Variants in DAO observed in about 807,000 individuals in gnomAD.
DAO encodes D-amino acid oxidase.
Under a neutral mutation model 50.1 loss-of-function variants are expected in DAO, and 51 were observed. The observed-to-expected ratio is 1.02, with a 90% CI of 0.81 to 1.29. The LOEUF is 1.29. Ranked by LOEUF, DAO falls within the 50% of genes most tolerant of loss-of-function variation. The pLI, the probability that DAO is intolerant of heterozygous loss-of-function variation, is 0.00. For synonymous variants in DAO, 160 were observed against 166.2 expected (o/e 0.96, Z 0.29); for missense variants, 436 against 439.4 (o/e 0.99, Z 0.07).
At position 108,901,021 on chromosome 12, in the gene DAO, A is replaced by G. The variant is rs529944361; in HGVS notation, c.*486A>G. 26 of 194,826 alleles carry G rather than the reference A, an allele frequency of 1.3e-4. No homozygotes were observed. Among genetic ancestry groups the G allele is most frequent in the African/African-American group, 5.4e-4 (23 of 42,318 alleles). 12.1% of individuals were successfully genotyped at this position (194,826 alleles called of 1,614,324 possible). ...AGCACCCATGAATGCCATGACACAA[A>G]TCTGAGAAAATGCTGGAACAGATTT... On this transcript the variant is annotated 3_prime_UTR_variant, in exon 11 of 11. Coordinates refer to ENST00000228476, the MANE Select transcript of DAO (RefSeq NM_001917.5).
chr12:108,885,091 C>A lies in DAO; in HGVS notation c.85C>A (p.Pro29Thr), dbSNP rs2039420771. 2.5e-6 allele frequency: 4 copies of A among 1,614,198 alleles called. No homozygotes were observed. In the East Asian group the frequency reaches 8.9e-5, roughly 36 times the overall value. Residue 29 changes from proline (P) to threonine (T), a missense_variant, in exon 2 of 11, where the codon CCA becomes ACA. Coordinates refer to ENST00000228476, the MANE Select transcript of DAO (RefSeq NM_001917.5). Reference sequence around the variant, plus strand: ...TGAGCGCTACCACTCAGTCCTGCAGCCACTGGACATAAAGGTCTACGCGGA... The same window carrying A: ...TGAGCGCTACCACTCAGTCCTGCAGACACTGGACATAAAGGTCTACGCGGA... ...IHERYHSVLQ[P>T]LDIKVYADRF...
At position 108,885,064 on chromosome 12, in the gene DAO, C is replaced by T; in HGVS notation, c.58C>T (p.His20Tyr). ...VIGLSTALCIHERYHSVLQPL... is the reference protein window; with the variant it reads ...VIGLSTALCIYERYHSVLQPL... ...CGGGCTGTCCACCGCCCTCTGCATC[C>T]ATGAGCGCTACCACTCAGTCCTGCA... Residue 20 changes from histidine (H) to tyrosine (Y), a missense_variant, in exon 2 of 11, where the codon CAT becomes TAT. His to Tyr is a moderately conservative substitution (Grantham distance 83, BLOSUM62 2). Transcript: ENST00000228476. 6 of 1,614,156 alleles carry T rather than the reference C, an allele frequency of 3.7e-6. No individual in the cohort carries two copies. The highest frequency in any genetic ancestry group is 5.1e-6 in the Non-Finnish European group (6 of 1,180,018).
At chr12:108,887,288 A>C (rs1399071460) in intron 2 of DAO, among the ~76,000 whole-genome samples, 162 bp from the exon 3 acceptor site, 1 of 152,186 alleles carries the variant, frequency 6.6e-6, no homozygotes, top group Non-Finnish European at 1.5e-5. Flanking sequence ...AGGAGGGAGA[A>C]GACCCAAGGC....
At chr12:108,893,204 C>T (rs2039511105) in intron 6 of DAO, among the ~76,000 whole-genome samples, 168 bp downstream of exon 6, 1 of 152,152 alleles carries the variant, frequency 6.6e-6, no homozygotes, top group South Asian at 2.1e-4. Flanking sequence ...AAGTCTCTGC[C>T]TTCATGTTGG....
intron 1 of DAO, chr12:108,883,835 C>T (rs1206207053): frequency 9.5e-6 from 3 of 317,198 alleles, no homozygotes; most frequent in Non-Finnish European, 1.9e-5. Context: ...CAACAGAGTC[C>T]AGTTCTTGTG....
At chr12:108,898,958 T>C (rs2039592993) in intron 9 of DAO, among the ~76,000 whole-genome samples, 162 bp downstream of exon 9, 1 of 152,246 alleles carries the variant, frequency 6.6e-6, no homozygotes, top group Non-Finnish European at 1.5e-5. Flanking sequence ...AGGGAAGTTC[T>C]TGCTATGGGC....
In DAO at chr12:108,896,419, CAA is replaced by C. The variant is rs386377704; in HGVS notation, c.613-565_613-564del. On this transcript the variant is annotated intron_variant, in intron 7 of 10. Coordinates refer to ENST00000228476, the MANE Select transcript of DAO (RefSeq NM_001917.5). ...GCCTGGCAACAGAGCGAGGCTGTCT[CAA>C]AAAAAAAAAAAAAAAAAAAAATTGA... Among the ~76,000 whole-genome samples, 357 of 59,524 alleles carry C rather than the reference CAA, an allele frequency of 6.0e-3. 1 individual carries two copies. Among genetic ancestry groups the C allele is most frequent in the African/African-American group, 0.02 (313 of 15,720 alleles). The allele number at this position is 59,524 out of a possible 152,430, so 39.1% of individuals were successfully genotyped here. A position where few individuals can be genotyped will look rare whatever the true frequency, so the allele number is the denominator to read the frequency against.
chr12:108,899,525 G>C (rs774565696), intron 10 of DAO, 50 bp downstream of exon 10: 7 of 1,494,304 alleles, frequency 4.7e-6, no homozygotes, highest in Non-Finnish European at 5.5e-6. Flanking sequence ...TCCTCAGATG[G>C]CTCTGGCATT....
chr12:108,892,852 C>T, intron 5 of DAO, 130 bp from the exon 6 acceptor site: 3 of 804,150 alleles, frequency 3.7e-6, no homozygotes, highest in African/African-American at 1.7e-5. Flanking sequence ...ACACAGCCAT[C>T]TTCTCAAGCA....
chr12:108,893,130 C>G, intron 6 of DAO, 94 bp downstream of exon 6: 1 of 1,136,762 alleles, frequency 8.8e-7, no homozygotes, highest in South Asian at 1.3e-5. Flanking sequence ...TCTCAGGCTC[C>G]TAGGGTCCCC....
intron 1 of DAO, among the ~76,000 whole-genome samples, chr12:108,883,107 C>T (rs921615150): frequency 1.3e-5 from 2 of 150,744 alleles, no homozygotes; most frequent in African/African-American, 4.9e-5. Flanking sequence ...GGTCGCACAG[C>T]AAGGCAGAAG....
intron 10 of DAO, chr12:108,899,917 A>G: frequency 6.6e-6 from 2 of 305,168 alleles, no homozygotes; most frequent in South Asian, 3.3e-5. Context: ...TGGTGGTGAA[A>G]TGGTGAATGG....
At chr12:108,888,966 C>T (rs1379598079) in intron 3 of DAO, among the ~76,000 whole-genome samples, 1 of 152,208 alleles carries the variant, frequency 6.6e-6, no homozygotes, top group Non-Finnish European at 1.5e-5. Context: ...TCTTTCTAAG[C>T]CTCAATTGGT....
At chr12:108,891,614 G>T (rs2039492980) in intron 5 of DAO, among the ~76,000 whole-genome samples, 1 of 151,626 alleles carries the variant, frequency 6.6e-6, no homozygotes, top group Non-Finnish European at 1.5e-5. Context: ...ATTTTTTTGA[G>T]ACAAAATCTT....
intron 1 of DAO, among the ~76,000 whole-genome samples, chr12:108,882,691 AC>A (rs1434922217): frequency 6.6e-6 from 1 of 152,122 alleles, no homozygotes; most frequent in African/African-American, 2.4e-5. Context: ...AAGTTGAGCA[AC>A]TTGCCCAGGG....
At chr12:108,882,074 T>C (rs1274405413) in intron 1 of DAO, among the ~76,000 whole-genome samples, 3 of 152,242 alleles carry the variant, frequency 2.0e-5, no homozygotes. Flanking sequence ...TCAAACCATG[T>C]GATTTACTGG....
intron 5 of DAO, among the ~76,000 whole-genome samples, chr12:108,891,748 G>A (rs2137352784): frequency 6.6e-6 from 1 of 152,118 alleles, no homozygotes; most frequent in Non-Finnish European, 1.5e-5. Flanking sequence ...ACATGCATGT[G>A]CCACAATGCC....
At chr12:108,891,200 G>A (rs768260453) in intron 5 of DAO, among the ~76,000 whole-genome samples, 13 of 152,028 alleles carry the variant, frequency 8.6e-5, no homozygotes, top group Non-Finnish European at 1.9e-4. Context: ...TGTAATCCTA[G>A]CACATTGAGA....
chr12:108,900,718 A>G lies in DAO; in HGVS notation c.*183A>G. 6.2e-6 allele frequency: 4 copies of G among 640,304 alleles called. No individual in the cohort carries two copies. Among genetic ancestry groups the G allele is most frequent in the Non-Finnish European group, 1.0e-5 (4 of 381,776 alleles). 39.7% of individuals were successfully genotyped at this position (640,304 alleles called of 1,614,324 possible). A position where few individuals can be genotyped will look rare whatever the true frequency, so the allele number is the denominator to read the frequency against. On this transcript the variant is annotated 3_prime_UTR_variant, in exon 11 of 11. Transcript: ENST00000228476. ...TTCAGCCCAACATGGGGCCCCTCTCATCACTGAAATCCCTCTACCTTCTCT... is the reference window on the plus strand; with the variant it reads ...TTCAGCCCAACATGGGGCCCCTCTCGTCACTGAAATCCCTCTACCTTCTCT...
Sources: gnomAD v4.1 joint callset for allele counts (sites outside exome capture counted in the v4.1 genomes callset) on GRCh38, gnomAD v4.1.1 for gene constraint, MANE v1.5 for transcripts, NCBI Gene and HGNC (gene_info 2026-07-23, HGNC 2026-07-21) for gene names.